Variants in TTC3 observed in about 807,000 individuals in gnomAD.
The protein encoded by TTC3 is E3 ubiquitin-protein ligase TTC3.
In TTC3, 180 loss-of-function variants were observed where a neutral mutation model predicts 249.6. That is an observed-to-expected ratio of 0.72 (90% CI 0.64 to 0.82). The LOEUF (loss-of-function observed/expected upper bound fraction) is 0.82, where lower values mean the gene tolerates loss of function less well. Among genes scored for constraint, TTC3 ranks in the 40% least tolerant of loss-of-function variants. The pLI, the probability that TTC3 is intolerant of heterozygous loss-of-function variation, is 0.00. For missense variants in TTC3, 2,061 were observed against 2,398.4 expected, an observed-to-expected ratio of 0.86 and a Z score of 2.94; for synonymous variants, 717 against 805.0, an observed-to-expected ratio of 0.89 and a Z score of 1.85.
chr21:37,106,445 C>T (rs1040375124), intron 10 of TTC3, among the ~76,000 whole-genome samples: 3 of 152,118 alleles, frequency 2.0e-5, no homozygotes, highest in African/African-American at 7.2e-5. Context: ...GTGATAAGCT[C>T]TTTTTGTGTT....
At chr21:37,144,737 T>A in intron 21 of TTC3, 92 bp downstream of exon 21, 1 of 1,463,028 alleles carries the variant, frequency 6.8e-7, no homozygotes, top group Non-Finnish European at 9.2e-7. Context: ...GTAGGAGCAT[T>A]CCATCCCCAC....
intron 1 of TTC3, among the ~76,000 whole-genome samples, chr21:37,075,196 T>A (rs942609687): frequency 1.3e-5 from 2 of 152,138 alleles, no homozygotes; most frequent in Non-Finnish European, 2.9e-5. Flanking sequence ...CATCATATTT[T>A]GAGGTTTATA....
rs1337318842 is a variant in TTC3 at position 37,073,281 on chromosome 21, G to A, written c.-95G>A. 2 of 238,762 alleles carry A rather than the reference G, an allele frequency of 8.4e-6. No homozygotes were observed. The highest frequency in any genetic ancestry group is 1.4e-5 in the Non-Finnish European group (2 of 148,106). The allele number at this position is 238,762 out of a possible 1,614,324, so 14.8% of individuals were successfully genotyped here. On this transcript the variant is annotated 5_prime_UTR_variant, in exon 1 of 46. It adds an upstream start codon to the 5' untranslated region. Transcript: ENST00000355666. ...CCGCTCCCTCCCGCCGTCGGCTGAC[G>A]TGGAGGGCCGGAGGTGGCGGCGGCG...
chr21:37,185,264 T>C (rs557007614), intron 36 of TTC3, among the ~76,000 whole-genome samples: 74 of 152,328 alleles, frequency 4.9e-4, no homozygotes, highest in Middle Eastern at 6.8e-3. Flanking sequence ...TGAGTGTGTG[T>C]GTGCGTGCGC....
At chr21:37,185,636 AT>A in intron 36 of TTC3, 69 bp from the exon 37 acceptor site, 1 of 823,248 alleles carries the variant, frequency 1.2e-6, no homozygotes. Flanking sequence ...TATGGGTGCA[AT>A]TTACTGTGTG....
chr21:37,103,791 G>C (rs2074767756), intron 10 of TTC3, among the ~76,000 whole-genome samples: 1 of 152,168 alleles, frequency 6.6e-6, no homozygotes, highest in Non-Finnish European at 1.5e-5. Flanking sequence ...TGCATTTGTG[G>C]AACTGATAGT....
rs1476783468 is a variant in TTC3, at chr21:37,164,149, A to C, written c.3269A>C (p.Glu1090Ala). ...GCTCTCTATGACCAACACAGTAACGAATATGTTGTCCGCAATAAGAAGCTA... is the reference window on the plus strand; with the variant it reads ...GCTCTCTATGACCAACACAGTAACGCATATGTTGTCCGCAATAAGAAGCTA... The change falls in exon 32 of 46, where the codon GAA becomes GCA. Residue 1090 changes from glutamate (E) to alanine (A), a missense_variant. Glu to Ala is a moderately radical substitution (Grantham distance 107). Around this residue, in one of 3 missense-constraint regions of TTC3, gnomAD observed 1,040 missense variants for 1,186.1 expected, o/e 0.88. Coordinates refer to ENST00000355666, the Ensembl canonical transcript of TTC3. 2.0e-5 allele frequency: 32 copies of C among 1,613,692 alleles called. No homozygotes were observed. Among genetic ancestry groups the C allele is most frequent in the Non-Finnish European group, 2.7e-5 (32 of 1,179,910 alleles).
In TTC3 at chr21:37,089,440, T is replaced by C. The variant is rs189237780; in HGVS notation, c.426+554T>C. Among the ~76,000 whole-genome samples the C allele has an allele frequency of 5.9e-5, 9 of 152,316 alleles. No individual in the cohort carries two copies. In the East Asian group the frequency reaches 1.7e-3, roughly 29 times the overall value. The stretch of plus-strand genomic sequence containing the variant: ...TTAGAAAGGGCATTCTGATGTTTAT[T>C]TTCTGCAGTAGTTATTTGCAGTAAC... On this transcript the variant is annotated intron_variant, in intron 5 of 45. Transcript: ENST00000355666.
intron 41 of TTC3, among the ~76,000 whole-genome samples, chr21:37,193,239 G>GAC (rs5843813): frequency 6.6e-6 from 1 of 152,182 alleles, no homozygotes; most frequent in South Asian, 2.1e-4. Context: ...CCCGTCAGGC[G>GAC]TGCCCTCTTT....
At chr21:37,114,595 T>C (rs2075963449) in intron 11 of TTC3, among the ~76,000 whole-genome samples, 1 of 152,144 alleles carries the variant, frequency 6.6e-6, no homozygotes, top group East Asian at 1.9e-4. Flanking sequence ...GACTGTAAAC[T>C]AGTTCAACCA....
chr21:37,098,747 A>G (rs963537474), intron 10 of TTC3: 14 of 152,204 alleles, frequency 9.2e-5, no homozygotes, highest in African/African-American at 3.1e-4. Context: ...CATAGTATAT[A>G]TAACTCCTGA....
intron 10 of TTC3, chr21:37,100,873 A>G (rs1473807): frequency 0.66 from 100,001 of 152,104 alleles, 33,145 homozygotes; most frequent in Admixed American, 0.69. Context: ...GAGAGTGATC[A>G]TTGTAATTAT....
chr21:37,188,223 C>T lies in TTC3; in HGVS notation c.4924-272C>T, dbSNP rs542937911. On this transcript the variant is annotated intron_variant, in intron 38 of 45. Transcript: ENST00000355666. ...CACATGCAGTTAACCTGGCTCTGTG[C>T]TTATATATAGCTTAAGCAGAAAGCC... The T allele has an allele frequency of 8.0e-5, 24 of 301,828 alleles. 1 individual carries two copies. In the South Asian group the frequency reaches 9.5e-4, roughly 12 times the overall value. The allele number at this position is 301,828 out of a possible 1,614,324, so 18.7% of individuals were successfully genotyped here.
exon 42 of TTC3, chr21:37,195,789 T>G (rs2084834671): frequency 6.2e-7 from 1 of 1,614,124 alleles, no homozygotes; most frequent in Non-Finnish European, 8.5e-7. Context: ...TAGTGTGTTC[T>G]CTGCTGGTGA....
chr21:37,088,839 C>T (rs1176156311), exon 5 of TTC3: 1 of 1,613,630 alleles, frequency 6.2e-7, no homozygotes, highest in Non-Finnish European at 8.5e-7. Flanking sequence ...GAAACTACAA[C>T]ATCTTGAGTT....
intron 19 of TTC3, among the ~76,000 whole-genome samples, chr21:37,139,206 A>G (rs760463849): frequency 2.0e-5 from 3 of 152,156 alleles, no homozygotes; most frequent in Non-Finnish European, 2.9e-5. Flanking sequence ...CTGTTTTCCT[A>G]GAAAAACAAA....
intron 23 of TTC3, among the ~76,000 whole-genome samples, chr21:37,149,607 A>G (rs1175862460): frequency 6.6e-6 from 1 of 152,198 alleles, no homozygotes; most frequent in African/African-American, 2.4e-5. Context: ...ATCTTGTGGC[A>G]TACATCAGAG....
intron 10 of TTC3, among the ~76,000 whole-genome samples, chr21:37,106,235 CTT>C (rs1158333233): frequency 6.6e-6 from 1 of 152,170 alleles, no homozygotes; most frequent in African/African-American, 2.4e-5. Context: ...CTGTTGAAGT[CTT>C]TTGCTATTTT....
At chr21:37,091,440 C>T in intron 7 of TTC3, 27 bp downstream of exon 7, 1 of 1,576,656 alleles carries the variant, frequency 6.3e-7, no homozygotes, top group East Asian at 2.3e-5. Context: ...TAAATTGTTA[C>T]TTGACTCAGT....
Sources: allele counts gnomAD v4.1 joint callset (sites outside exome capture counted in the v4.1 genomes callset), GRCh38; gene constraint gnomAD v4.1.1; regional missense constraint gnomAD v4.1.1; transcripts MANE v1.5; gene names NCBI Gene and HGNC (gene_info 2026-07-23, HGNC 2026-07-21).